The following ANKRD55 variants were observed in gnomAD, a reference collection of about 807,000 sequenced individuals.
The protein encoded by ANKRD55 is ankyrin repeat domain 55, also known as ankyrin repeat domain-containing protein 55.
A neutral mutation model predicts 60.6 loss-of-function variants in ANKRD55; 41 were observed. That is an observed-to-expected ratio of 0.68 (90% confidence interval 0.53 to 0.88). The LOEUF (loss-of-function observed/expected upper bound fraction) is 0.88, where lower values mean the gene tolerates loss of function less well. Among genes scored for constraint, ANKRD55 ranks in the 40% least tolerant of loss-of-function variants. The pLI is 0.00. For synonymous variants in ANKRD55, 264 were observed against 290.3 expected (o/e 0.91, Z 0.92); for missense variants, 732 against 767.6 (o/e 0.95, Z 0.55).
intron 6 of ANKRD55, among the ~76,000 whole-genome samples, chr5:56,145,131 C>G (rs1017871926): frequency 6.6e-6 from 1 of 152,154 alleles, no homozygotes; most frequent in Non-Finnish European, 1.5e-5. Flanking sequence ...ATCTAGAGAC[C>G]TTTATGAGTT....
chr5:56,166,153 T>TTTCCTTCCTTC (rs1561277854), intron 5 of ANKRD55, among the ~76,000 whole-genome samples: 4 of 49,514 alleles, frequency 8.1e-5, no homozygotes, highest in East Asian at 1.3e-3. Context: ...TTTCTTTCTT[T>TTTCCTTCCTTC]CTTCTTTCCT....
At chr5:56,154,242 A>G (rs886955555) in intron 6 of ANKRD55, among the ~76,000 whole-genome samples, 4 of 149,080 alleles carry the variant, frequency 2.7e-5, no homozygotes, top group African/African-American at 7.4e-5. Flanking sequence ...GAACACATAG[A>G]GTGGTACCTT....
intron 5 of ANKRD55, among the ~76,000 whole-genome samples, chr5:56,165,030 G>A (rs1758415840): frequency 6.6e-6 from 1 of 152,156 alleles, no homozygotes; most frequent in African/African-American, 2.4e-5. Flanking sequence ...GCGTCCCTTA[G>A]CTTGTTTATA....
intron 5 of ANKRD55, chr5:56,162,081 G>A (rs1758346550): frequency 3.1e-6 from 3 of 981,018 alleles, no homozygotes; most frequent in Non-Finnish European, 3.6e-6. Context: ...TGAGGGACTG[G>A]GGGAGGAGGG....
At chr5:56,180,800 G>A (rs1202739115) in intron 3 of ANKRD55, among the ~76,000 whole-genome samples, 2 of 152,192 alleles carry the variant, frequency 1.3e-5, no homozygotes, top group Non-Finnish European at 2.9e-5. Context: ...CTGTGACCTT[G>A]CTGAACTCAC....
chr5:56,129,190 G>A (rs1273196156), intron 7 of ANKRD55, among the ~76,000 whole-genome samples: 2 of 152,304 alleles, frequency 1.3e-5, no homozygotes, highest in African/African-American at 4.8e-5. Context: ...GGGAGGTAGG[G>A]AAAGTCACAG....
chr5:56,125,374 G>A (rs1465574225), intron 8 of ANKRD55, among the ~76,000 whole-genome samples: 1 of 151,382 alleles, frequency 6.6e-6, no homozygotes, highest in Non-Finnish European at 1.5e-5. Context: ...TCTGCCTCTT[G>A]GGTTCAAGCG....
Position 56,135,194 on chromosome 5 carries a change from TA to T in ANKRD55, c.613-8089del, listed in dbSNP as rs1240626103. The stretch of plus-strand genomic sequence containing the variant: ...TTTCCAACTAAGATCAGGAAGAAGG[TA>T]AAAATGTCTCACAACTTTCCTTCCT... On this transcript the variant is annotated intron_variant, in intron 7 of 11. Transcript: ENST00000341048. Among the ~76,000 whole-genome samples the T allele has an allele frequency of 2.5e-4, 37 of 147,202 alleles. No individual in the cohort carries two copies. In the Admixed American group the frequency reaches 2.6e-3, roughly 10 times the overall value.
At chr5:56,205,170 C>G (rs1188990879) in intron 2 of ANKRD55, among the ~76,000 whole-genome samples, 1 of 152,150 alleles carries the variant, frequency 6.6e-6, no homozygotes, top group Admixed American at 6.5e-5. Flanking sequence ...GAACCATTCT[C>G]CTGCCTCAGC....
chr5:56,185,591 C>G (rs1758950092), intron 2 of ANKRD55, among the ~76,000 whole-genome samples: 1 of 151,824 alleles, frequency 6.6e-6, no homozygotes, highest in Non-Finnish European at 1.5e-5. Flanking sequence ...TTGCTTGAAC[C>G]CGGGAGGTGG....
At chr5:56,127,136 A>T (rs771615984) in intron 7 of ANKRD55, 30 bp from the exon 8 acceptor site, 9 of 1,576,502 alleles carry the variant, frequency 5.7e-6, no homozygotes, top group Non-Finnish European at 7.8e-6. Flanking sequence ...AAAGCCCATT[A>T]TGTACAATCC....
intron 8 of ANKRD55, among the ~76,000 whole-genome samples, chr5:56,121,666 C>T (rs967177884): frequency 1.3e-5 from 2 of 151,730 alleles, no homozygotes; most frequent in Admixed American, 6.6e-5. Context: ...CCACCACACC[C>T]GGCCAGTGTT....
rs747081525 is a variant in ANKRD55, at chr5:56,111,352, T to C, written c.1396A>G (p.Met466Val). 2.5e-6 allele frequency: 4 copies of C among 1,614,130 alleles called. No individual in the cohort carries two copies. The highest frequency in any genetic ancestry group is 3.4e-6 in the Non-Finnish European group (4 of 1,180,030). ...CGACTTTTCTGAGATCGCTGGGCCA[T>C]ATGATGAGGAGCAGAGCTCAGGCCT... ...HAGLSSAPHHMAQRSQKSRSE... is the reference protein window; with the variant it reads ...HAGLSSAPHHVAQRSQKSRSE... Residue 466 changes from methionine to valine, a missense_variant, in exon 10 of 12, where the codon ATG (methionine) becomes GTG (valine). Around this residue, in one of 3 missense-constraint regions of ANKRD55, gnomAD observed 597 missense variants for 607.5 expected, o/e 0.98. Transcript: ENST00000341048.
chr5:56,105,075 T>C (rs1488576422), intron 10 of ANKRD55, among the ~76,000 whole-genome samples: 1 of 150,766 alleles, frequency 6.6e-6, no homozygotes, highest in Non-Finnish European at 1.5e-5. Flanking sequence ...GTCAGCAAGG[T>C]GGAGCTATTC....
chr5:56,206,284 T>TGCATTTCC (rs1268179428), intron 2 of ANKRD55, among the ~76,000 whole-genome samples: 1 of 152,202 alleles, frequency 6.6e-6, no homozygotes, highest in Non-Finnish European at 1.5e-5. Context: ...GCCTCAATGA[T>TGCATTTCC]GCATTTCCAC....
chr5:56,231,673 AC>A (rs1252090511), intron 2 of ANKRD55, among the ~76,000 whole-genome samples: 1 of 151,084 alleles, frequency 6.6e-6, no homozygotes, highest in East Asian at 1.9e-4. Flanking sequence ...ACACACACAC[AC>A]ACACACACAC....
At chr5:56,135,855 C>A (rs749160484) in intron 7 of ANKRD55, among the ~76,000 whole-genome samples, 1 of 152,018 alleles carries the variant, frequency 6.6e-6, no homozygotes. Context: ...GCAATTATAG[C>A]AAGATTTCAG....
At chr5:56,228,056 C>T (rs1303037214) in intron 2 of ANKRD55, among the ~76,000 whole-genome samples, 2 of 152,172 alleles carry the variant, frequency 1.3e-5, no homozygotes, top group East Asian at 3.8e-4. Context: ...CTGACCTCTT[C>T]TCACTCCCTG....
At chr5:56,163,881 C>G (rs1249840683) in intron 5 of ANKRD55, among the ~76,000 whole-genome samples, 2 of 152,112 alleles carry the variant, frequency 1.3e-5, no homozygotes, top group Non-Finnish European at 2.9e-5. Context: ...CACCTGAAGT[C>G]AAGAGTTTGA....
Sources: gnomAD v4.1 joint callset for allele counts (sites outside exome capture counted in the v4.1 genomes callset) on GRCh38, gnomAD v4.1.1 for gene constraint, gnomAD v4.1.1 regional missense constraint, MANE v1.5 for transcripts, NCBI Gene and HGNC (gene_info 2026-07-23, HGNC 2026-07-21) for gene names.